The following MYZAP variants were observed in gnomAD, a reference collection of about 807,000 sequenced individuals.
The protein encoded by MYZAP is GRINL1A complex locus upstream.
Under a neutral mutation model 69.4 loss-of-function variants are expected in MYZAP, and 66 were observed. The ratio of observed to expected loss-of-function variants is 0.95; its 90% CI spans 0.78 to 1.17. The LOEUF is 1.17. Among genes scored for constraint, MYZAP ranks in the 50% most tolerant of loss-of-function variants. The pLI, the probability that MYZAP is intolerant of heterozygous loss-of-function variation, is 0.00. For missense variants in MYZAP, 611 were observed against 556.2 expected, an observed-to-expected ratio of 1.10 and a Z score of -0.99; for synonymous variants, 256 against 205.9, an observed-to-expected ratio of 1.24 and a Z score of -2.09.
intron 12 of MYZAP, among the ~76,000 whole-genome samples, chr15:57,679,375 T>TGTGTGTG (rs1555465672): frequency 0.069 from 7,898 of 114,854 alleles, 307 homozygotes; most frequent in Middle Eastern, 0.14. Context: ...TGTGTGTGTG[T>TGTGTGTG]TTCTCTCTCT....
chr15:57,652,429 G>T (rs1478459131), intron 10 of MYZAP, among the ~76,000 whole-genome samples: 1 of 151,976 alleles, frequency 6.6e-6, no homozygotes, highest in Non-Finnish European at 1.5e-5. Context: ...ACATTTTGTG[G>T]TGGCTTTTAT....
chr15:57,646,816 A>T, intron 10 of MYZAP: 2 of 985,500 alleles, frequency 2.0e-6, no homozygotes, highest in Non-Finnish European at 2.4e-6. Flanking sequence ...GAATTGGTTC[A>T]ACCAACTTCA....
chr15:57,594,252 A>G (rs2033912231), intron 1 of MYZAP, among the ~76,000 whole-genome samples: 1 of 152,172 alleles, frequency 6.6e-6, no homozygotes, highest in Non-Finnish European at 1.5e-5. Flanking sequence ...AGTAGCTGGG[A>G]CTACAGGCGC....
At chr15:57,594,838 AAAT>A (rs1341515066) in intron 1 of MYZAP, among the ~76,000 whole-genome samples, 1 of 152,264 alleles carries the variant, frequency 6.6e-6, no homozygotes, top group African/African-American at 2.4e-5. Context: ...ATTGTAGACC[AAAT>A]AATCATTGGA....
intron 10 of MYZAP, among the ~76,000 whole-genome samples, chr15:57,654,980 T>C (rs894527885): frequency 1.1e-4 from 16 of 152,148 alleles, no homozygotes; most frequent in African/African-American, 3.6e-4. Context: ...AGTTATCTTT[T>C]ATATGAGATA....
intron 10 of MYZAP, chr15:57,647,991 G>C: frequency 1.0e-6 from 1 of 985,368 alleles, no homozygotes; most frequent in East Asian, 1.1e-4. Context: ...CAAGGCTACA[G>C]CTCTGTCTCG....
chr15:57,643,834 A>G lies in MYZAP; in HGVS notation c.1119+4289A>G, dbSNP rs149979804. 3.4e-4 allele frequency among the ~76,000 whole-genome samples: 51 copies of G among 149,636 alleles called. No individual in the cohort carries two copies. In the East Asian group the frequency reaches 9.5e-3, roughly 28 times the overall value. The stretch of plus-strand genomic sequence containing the variant: ...TTTTGATTTCCCTTTGCCATTTGTG[A>G]TATAGGAAATGTTTCTTCCAACAGG... On this transcript the variant is annotated intron_variant, in intron 10 of 12. Coordinates refer to ENST00000267853, the MANE Select transcript of MYZAP (RefSeq NM_001018100.5).
intron 11 of MYZAP, among the ~76,000 whole-genome samples, chr15:57,668,894 ATT>A (rs869270863): frequency 0.018 from 1,138 of 62,532 alleles, 10 homozygotes; most frequent in South Asian, 0.1. Context: ...ATATATATAT[ATT>A]TTTTTTTTTT....
intron 11 of MYZAP, among the ~76,000 whole-genome samples, chr15:57,671,029 A>G (rs1341660862): frequency 1.3e-5 from 2 of 152,110 alleles, no homozygotes; most frequent in African/African-American, 4.8e-5. Context: ...ATTCTTTCAT[A>G]TATACTCTAT....
intron 12 of MYZAP, among the ~76,000 whole-genome samples, chr15:57,678,961 G>C (rs2039285631): frequency 6.6e-6 from 1 of 152,072 alleles, no homozygotes; most frequent in South Asian, 2.1e-4. Flanking sequence ...CGGATCACCT[G>C]AGGTTGGGAG....
At chr15:57,633,885 G>A in intron 8 of MYZAP, 144 bp downstream of exon 8, 2 of 1,006,054 alleles carry the variant, frequency 2.0e-6, no homozygotes, top group Non-Finnish European at 2.6e-6. Context: ...ATAAAATAAA[G>A]TATAAGGAAG....
At chr15:57,648,517 G>A (rs2037563130) in intron 10 of MYZAP, 29 of 979,158 alleles carry the variant, frequency 3.0e-5, no homozygotes, top group Non-Finnish European at 3.5e-5. Context: ...ATCTCTGGAA[G>A]GTATTATTCG....
chr15:57,653,447 TAAATA>T (rs754444659), intron 10 of MYZAP, among the ~76,000 whole-genome samples: 6 of 152,264 alleles, frequency 3.9e-5, no homozygotes, highest in East Asian at 3.9e-4. Flanking sequence ...AAACAAATTT[TAAATA>T]AAATAAACAA....
chr15:57,601,014 G>A (rs2034376225), intron 1 of MYZAP, among the ~76,000 whole-genome samples: 2 of 152,070 alleles, frequency 1.3e-5, no homozygotes, highest in South Asian at 2.1e-4. Flanking sequence ...GGAGATTGAG[G>A]CTGCAGTGCT....
At chr15:57,592,623 G>T (rs1310337396) in intron 1 of MYZAP, among the ~76,000 whole-genome samples, 3 of 152,208 alleles carry the variant, frequency 2.0e-5, no homozygotes, top group Non-Finnish European at 2.9e-5. Flanking sequence ...GACTGTGTGG[G>T]ACTCCGGTTT....
At chr15:57,598,491 G>A (rs557356316) in intron 1 of MYZAP, among the ~76,000 whole-genome samples, 36 of 152,194 alleles carry the variant, frequency 2.4e-4, no homozygotes, top group Non-Finnish European at 4.7e-4. Flanking sequence ...CACCGTAGGG[G>A]CTATATTAAG....
chr15:57,638,318 G>A (rs192947203), intron 9 of MYZAP, among the ~76,000 whole-genome samples: 4 of 152,200 alleles, frequency 2.6e-5, no homozygotes, highest in Admixed American at 2.6e-4. Context: ...GAGTGTTTTG[G>A]GCAAGTGACT....
At chr15:57,619,394 C>G (rs890165212) in intron 3 of MYZAP, among the ~76,000 whole-genome samples, 5 of 152,204 alleles carry the variant, frequency 3.3e-5, no homozygotes, top group African/African-American at 1.2e-4. Flanking sequence ...ACTCTGTCAT[C>G]CAGGCTGGAG....
rs1417235407 is a variant in MYZAP at position 57,656,114 on chromosome 15, G to C, written c.1120-5336G>C. ...ATCAAAGGTGCCTAATGGATTTCTTGCATACCAGCTATATGGTAACCTGGA... is the reference window on the plus strand; with the variant it reads ...ATCAAAGGTGCCTAATGGATTTCTTCCATACCAGCTATATGGTAACCTGGA... On this transcript the variant is annotated intron_variant, in intron 10 of 12. Coordinates refer to ENST00000267853, the MANE Select transcript of MYZAP (RefSeq NM_001018100.5). Among the ~76,000 whole-genome samples, 4 of 152,176 alleles carry C rather than the reference G, an allele frequency of 2.6e-5. No individual in the cohort carries two copies. The East Asian group carries it at 5.8e-4, about 22-fold the overall frequency.
Sources: allele counts gnomAD v4.1 joint callset (sites outside exome capture counted in the v4.1 genomes callset), GRCh38; gene constraint gnomAD v4.1.1; transcripts MANE v1.5; gene names NCBI Gene and HGNC (gene_info 2026-07-23, HGNC 2026-07-21).